The following CCDC102B variants were observed in gnomAD, a reference collection of about 807,000 sequenced individuals.
CCDC102B encodes the protein coiled-coil domain containing 102B.
A neutral mutation model predicts 57.4 loss-of-function variants in CCDC102B; 75 were observed. The observed-to-expected ratio is 1.31, with a 90% CI of 1.08 to 1.58. The LOEUF (loss-of-function observed/expected upper bound fraction) is 1.58. Among genes scored for constraint, CCDC102B ranks in the 40% most tolerant of loss-of-function variants. The pLI is 0.00. For missense variants in CCDC102B, 636 were observed against 582.6 expected (o/e 1.09, Z -0.94); for synonymous variants, 206 against 201.9 (o/e 1.02, Z -0.17).
At chr18:68,752,312 C>CT (rs2033885873) in intron 2 of CCDC102B, among the ~76,000 whole-genome samples, 1 of 151,864 alleles carries the variant, frequency 6.6e-6, no homozygotes. Context: ...AGACTGACAT[C>CT]TAACTTCTCA....
chr18:68,857,256 T>TTTATATATTATATAA lies in CCDC102B; in HGVS notation c.936+10835_936+10836insTTATATATTATATAA, dbSNP rs1207346944. Among the ~76,000 whole-genome samples, 6 of 55,260 alleles carry TTTATATATTATATAA rather than the reference T, an allele frequency of 1.1e-4. 1 individual carries two copies. Among genetic ancestry groups the TTTATATATTATATAA allele is most frequent in the Non-Finnish European group, 1.8e-4 (5 of 27,532 alleles). The allele number at this position is 55,260 out of a possible 152,430, so 36.3% of individuals were successfully genotyped here. On this transcript the variant is annotated intron_variant, in intron 4 of 7. Transcript: ENST00000360242. ...TATATATAAATATATATTTATTATTTAAATATATAAATATATATATAATAT... is the reference window on the plus strand; with the variant it reads ...TATATATAAATATATATTTATTATTTTTATATATTATATAAAAATATATAAATATATATATAATAT...
intron 2 of CCDC102B, among the ~76,000 whole-genome samples, chr18:68,785,759 T>G (rs1292954206): frequency 4.6e-5 from 7 of 150,690 alleles, no homozygotes. Flanking sequence ...TTGCGAAAAT[T>G]TTCTCCCATT....
chr18:69,020,332 C>G (rs927984673), intron 7 of CCDC102B, among the ~76,000 whole-genome samples: 2 of 152,030 alleles, frequency 1.3e-5, no homozygotes, highest in South Asian at 4.1e-4. Flanking sequence ...TTAAGTAATC[C>G]ATTGTCATCT....
chr18:68,997,230 G>T (rs1314908858), intron 6 of CCDC102B, among the ~76,000 whole-genome samples: 1 of 152,092 alleles, frequency 6.6e-6, no homozygotes, highest in African/African-American at 2.4e-5. Flanking sequence ...TTATCGGAGT[G>T]TGAAAATGGA....
chr18:69,026,838 A>G (rs1416427904), intron 7 of CCDC102B, among the ~76,000 whole-genome samples: 1 of 152,164 alleles, frequency 6.6e-6, no homozygotes, highest in Non-Finnish European at 1.5e-5. Flanking sequence ...CCAATTTTCC[A>G]AGAACCTATG....
At chr18:68,725,696 T>G (rs1178257200) in intron 2 of CCDC102B, among the ~76,000 whole-genome samples, 1 of 152,224 alleles carries the variant, frequency 6.6e-6, no homozygotes, top group East Asian at 1.9e-4. Flanking sequence ...GTGTGGTTAT[T>G]TTGGGTCTCC....
chr18:68,830,807 T>G (rs893089344), intron 1 of CCDC102B, among the ~76,000 whole-genome samples: 4 of 151,928 alleles, frequency 2.6e-5, no homozygotes, highest in African/African-American at 9.7e-5. Flanking sequence ...ATAAGAGTAG[T>G]TAAATGATGT....
intron 6 of CCDC102B, among the ~76,000 whole-genome samples, chr18:68,985,833 C>A (rs186350833): frequency 2.0e-5 from 3 of 152,156 alleles, no homozygotes; most frequent in East Asian, 1.9e-4. Context: ...AAATTGATTT[C>A]TGTGCAATGA....
intron 5 of CCDC102B, among the ~76,000 whole-genome samples, chr18:68,882,760 A>G (rs533246090): frequency 1.1e-3 from 166 of 151,880 alleles, no homozygotes; most frequent in African/African-American, 3.9e-3. Context: ...AAATATAGAT[A>G]CTGTTTCCTA....
At chr18:68,716,112 CCTTTTTTT>C (rs1177674559) in intron 1 of CCDC102B, among the ~76,000 whole-genome samples, 1 of 149,608 alleles carries the variant, frequency 6.7e-6, no homozygotes, top group African/African-American at 2.6e-5. Flanking sequence ...TTTCTCTTTT[CCTTTTTTT>C]CTTTTTTTTT....
chr18:69,026,364 G>A (rs1028554576), intron 7 of CCDC102B, among the ~76,000 whole-genome samples: 2 of 151,764 alleles, frequency 1.3e-5, no homozygotes, highest in South Asian at 2.1e-4. Flanking sequence ...CTACTCAGGA[G>A]GCTGAGGCAG....
At chr18:69,036,939 A>T (rs552641971) in intron 7 of CCDC102B, among the ~76,000 whole-genome samples, 1 of 152,012 alleles carries the variant, frequency 6.6e-6, no homozygotes, top group East Asian at 1.9e-4. Context: ...AGAGAAAAAC[A>T]GGTGATATAT....
upstream of CCDC102B, among the ~76,000 whole-genome samples, chr18:68,796,825 G>C (rs576839809): frequency 1.2e-4 from 15 of 129,886 alleles, no homozygotes; most frequent in South Asian, 4.2e-3. Flanking sequence ...AAAATAAATA[G>C]AATATTTATG....
intron 4 of CCDC102B, among the ~76,000 whole-genome samples, chr18:68,870,015 C>T (rs1347511808): frequency 6.6e-6 from 1 of 152,044 alleles, no homozygotes; most frequent in Admixed American, 6.6e-5. Flanking sequence ...TCAGGTTTGT[C>T]GAAGATCAGA....
At chr18:68,952,673 G>A (rs980817039) in intron 6 of CCDC102B, among the ~76,000 whole-genome samples, 27 of 152,020 alleles carry the variant, frequency 1.8e-4, no homozygotes, top group Admixed American at 9.2e-4. Context: ...AGTGAAGGGC[G>A]ATATTAATCA....
intron 7 of CCDC102B, 65 bp from the exon 8 acceptor site, chr18:69,053,965 A>G (rs1259123270): frequency 7.9e-7 from 1 of 1,266,042 alleles, no homozygotes. Flanking sequence ...GTTATTTACT[A>G]TAGCCACCAT....
chr18:69,014,557 C>G (rs1418721906), intron 7 of CCDC102B, among the ~76,000 whole-genome samples: 1 of 151,846 alleles, frequency 6.6e-6, no homozygotes, highest in African/African-American at 2.4e-5. Flanking sequence ...AGAAATTTTT[C>G]TGTCCTAGTT....
chr18:68,964,616 G>A (rs547302886), intron 6 of CCDC102B, among the ~76,000 whole-genome samples: 3 of 151,492 alleles, frequency 2.0e-5, no homozygotes, highest in African/African-American at 4.8e-5. Context: ...TTTCTCCATC[G>A]TTTCTCTTTT....
chr18:68,790,175 C>T (rs2035384678), intron 2 of CCDC102B, among the ~76,000 whole-genome samples: 2 of 151,264 alleles, frequency 1.3e-5, no homozygotes, highest in South Asian at 2.1e-4. Flanking sequence ...CTTGAGGAGG[C>T]AGTCTGCCCA....
Sources: gnomAD v4.1 joint callset for allele counts (sites outside exome capture counted in the v4.1 genomes callset) on GRCh38, gnomAD v4.1.1 for gene constraint, MANE v1.5 for transcripts, NCBI Gene and HGNC (gene_info 2026-07-23, HGNC 2026-07-21) for gene names.